RIN2: variants seen among roughly 807,000 people sequenced by gnomAD.
RIN2 encodes the protein Ras and Rab interactor 2.
A neutral mutation model predicts 78.0 loss-of-function variants in RIN2; 36 were observed. The ratio of observed to expected loss-of-function variants is 0.46; its 90% CI spans 0.35 to 0.61. The LOEUF (loss-of-function observed/expected upper bound fraction) is 0.61, where lower values mean the gene tolerates loss of function less well. Ranked by LOEUF, RIN2 falls within the 20% of genes least tolerant of loss-of-function variation. RIN2 has a pLI of 0.00. For missense variants in RIN2, 1,087 were observed against 1,159.7 expected (o/e 0.94, Z 0.91); for synonymous variants, 466 against 466.8 (o/e 1.00, Z 0.02).
At position 19,975,547 on chromosome 20, in the gene RIN2, A is replaced by C. The variant is rs2042253855; in HGVS notation, c.1522A>C (p.Met508Leu). ...GGTGAGCGGGGTGTTCAGCTCCTTC[A>C]TGACCCCGGAGAAGCGGATGGTCCG... is the stretch of plus-strand genomic sequence containing the variant. ...QKVSGVFSSF[M>L]TPEKRMVRRI... Residue 508 changes from methionine (M) to leucine (L), a missense_variant, in exon 9 of 13, where the codon ATG becomes CTG. Transcript: ENST00000255006. This position sits in a 1 kb window ranked among gnomAD's most constrained non-coding sequence, Gnocchi z 4.9. 6 of 1,613,930 alleles carry C rather than the reference A, an allele frequency of 3.7e-6. No individual in the cohort carries two copies. The highest frequency in any genetic ancestry group is 5.1e-6 in the Non-Finnish European group (6 of 1,179,906).
At chr20:19,790,282 A>T (rs903982205) in intron 1 of RIN2, among the ~76,000 whole-genome samples, 1 of 152,260 alleles carries the variant, frequency 6.6e-6, no homozygotes, top group African/African-American at 2.4e-5. Flanking sequence ...CCCCAGTCTT[A>T]CAAGGCTAGC....
At chr20:19,931,546 T>C (rs1205466338) in intron 3 of RIN2, among the ~76,000 whole-genome samples, 1 of 152,216 alleles carries the variant, frequency 6.6e-6, no homozygotes, top group African/African-American at 2.4e-5. Context: ...TGTTATGTCA[T>C]AGTTGTACAT....
intron 3 of RIN2, among the ~76,000 whole-genome samples, chr20:19,914,468 A>C (rs555417568): frequency 6.6e-6 from 1 of 152,330 alleles, no homozygotes; most frequent in Admixed American, 6.5e-5. Flanking sequence ...CATCAAAAAA[A>C]TTTGCATTAA....
At chr20:19,965,113 C>A in intron 7 of RIN2, 89 bp downstream of exon 7, 2 of 1,048,196 alleles carry the variant, frequency 1.9e-6, no homozygotes, top group Non-Finnish European at 2.9e-6. Context: ...ATCTAGGAGG[C>A]TGGCCACCTA....
intron 4 of RIN2, among the ~76,000 whole-genome samples, chr20:19,939,574 C>G (rs1221612770): frequency 6.6e-6 from 1 of 152,190 alleles, no homozygotes; most frequent in East Asian, 1.9e-4. Flanking sequence ...CTTCAAGACT[C>G]TATAAGATGT....
At chr20:19,990,358 C>G in intron 10 of RIN2, 47 bp downstream of exon 10, 1 of 1,547,774 alleles carries the variant, frequency 6.5e-7, no homozygotes, top group South Asian at 1.2e-5. Flanking sequence ...CCTTCCGGGC[C>G]GGGGACAGGC....
At position 19,837,169 on chromosome 20, in the gene RIN2, AACACACACACACACACAC is replaced by A. The variant is rs142399537; in HGVS notation, c.-37+37448_-37+37465del. Among the ~76,000 whole-genome samples, 385 of 140,210 alleles carry A rather than the reference AACACACACACACACACAC, an allele frequency of 2.7e-3. 2 individuals are homozygous for A. Among genetic ancestry groups the A allele is most frequent in the African/African-American group, 9.6e-3 (358 of 37,194 alleles). The allele number at this position is 140,210 out of a possible 152,430, so 92.0% of individuals were successfully genotyped here. A position where few individuals can be genotyped will look rare whatever the true frequency, so the allele number is the denominator to read the frequency against. On this transcript the variant is annotated intron_variant, in intron 2 of 12. Transcript: ENST00000255006. Reference sequence around the variant, plus strand: ...CTGAACATCACACACCGCCCCCCCCAACACACACACACACACACACACACACACACACACACACACACA... The same window carrying A: ...CTGAACATCACACACCGCCCCCCCCAACACACACACACACACACACACACA...
chr20:19,878,458 T>G (rs867206110), intron 2 of RIN2, among the ~76,000 whole-genome samples: 6 of 152,268 alleles, frequency 3.9e-5, no homozygotes, highest in Middle Eastern at 3.4e-3. Flanking sequence ...TCACCCCATG[T>G]CCCCATGTTC....
chr20:19,965,043 A>G lies in RIN2; in HGVS notation c.536+19A>G. 1.2e-6 allele frequency: 2 copies of G among 1,600,874 alleles called. No individual in the cohort carries two copies. Among genetic ancestry groups the G allele is most frequent in the Non-Finnish European group, 1.7e-6 (2 of 1,169,830 alleles). On this transcript the variant is annotated intron_variant, in intron 7 of 12. Transcript: ENST00000255006. The stretch of plus-strand genomic sequence containing the variant: ...TCAGCAGGTAAGGCCTCTTCCTCTC[A>G]TATGGTTTCAAGGCCCTGTTTGGTG...
At chr20:19,855,228 A>C (rs1181204751) in intron 2 of RIN2, among the ~76,000 whole-genome samples, 1 of 152,042 alleles carries the variant, frequency 6.6e-6, no homozygotes, top group Non-Finnish European at 1.5e-5. Flanking sequence ...CCAGGGATGA[A>C]GCCCACTTGA....
In RIN2 at chr20:19,904,804, C is replaced by T. The variant is rs145927432; in HGVS notation, c.57+15146C>T. Among the ~76,000 whole-genome samples the T allele has an allele frequency of 1.6e-3, 238 of 152,330 alleles. 1 individual carries two copies. Among genetic ancestry groups the T allele is most frequent in the Middle Eastern group, 6.8e-3 (2 of 294 alleles). On this transcript the variant is annotated intron_variant, in intron 3 of 12. Coordinates refer to ENST00000255006, the MANE Select transcript of RIN2 (RefSeq NM_018993.4). ...TCACCCGGCATTAGCACTGTGTCTC[C>T]ATCCATCAACCAAGAAAACCAAAGT...
At chr20:19,933,887 C>G (rs2040529957) in intron 3 of RIN2, among the ~76,000 whole-genome samples, 1 of 152,170 alleles carries the variant, frequency 6.6e-6, no homozygotes, top group Non-Finnish European at 1.5e-5. Context: ...TGGCTCACTG[C>G]AACCTCCATC....
chr20:19,975,374 T>G lies in RIN2; in HGVS notation c.1349T>G (p.Leu450Arg). Residue 450 changes from leucine to arginine, a missense_variant, in exon 9 of 13, where the codon CTG becomes CGG. Around this residue, in one of 8 missense-constraint regions of RIN2, gnomAD observed 706 missense variants for 667.5 expected, o/e 1.06. Coordinates refer to ENST00000255006, the MANE Select transcript of RIN2 (RefSeq NM_018993.4). This position sits in a 1 kb window ranked among gnomAD's most constrained non-coding sequence, Gnocchi z 4.9. ...CTGGAGTTCGACCGGAGCATGCCTC[T>G]GTTTGGCTACGAGGCGGACACCAAC... ...DSLEFDRSMPLFGYEADTNSS... is the reference protein window; with the variant it reads ...DSLEFDRSMPRFGYEADTNSS... The G allele has an allele frequency of 1.9e-6, 3 of 1,613,972 alleles. No homozygotes were observed. The highest frequency in any genetic ancestry group is 2.5e-6 in the Non-Finnish European group (3 of 1,179,858).
At chr20:19,937,942 T>C (rs1396430786) in intron 4 of RIN2, among the ~76,000 whole-genome samples, 2 of 152,226 alleles carry the variant, frequency 1.3e-5, no homozygotes, top group Non-Finnish European at 2.9e-5. Flanking sequence ...AGAATGAGGC[T>C]ATGGAAAGTG....
At position 19,885,208 on chromosome 20, in the gene RIN2, GTAAA is replaced by G. The variant is rs200363085; in HGVS notation, c.-36-4353_-36-4350del. Among the ~76,000 whole-genome samples, 1,308 of 152,212 alleles carry G rather than the reference GTAAA, an allele frequency of 8.6e-3. 12 individuals carry two copies. Among genetic ancestry groups the G allele is most frequent in the African/African-American group, 0.023 (945 of 41,514 alleles). ...TGTGGGTTTGCACTTGTGACCTAAA[GTAAA>G]TAAAATAGCATAAAATAGGAAGCTG... On this transcript the variant is annotated intron_variant, in intron 2 of 12. Transcript: ENST00000255006.
rs10605325 is a variant in RIN2, at chr20:19,764,918, G to GTTTTTTTTTTTTTTT, written c.-163+6602_-163+6616dup. On this transcript the variant is annotated intron_variant, in intron 1 of 12. Transcript: ENST00000255006. ...GGGCAAGTCCCACTTCACTTTCTGC[G>GTTTTTTTTTTTTTTT]TTTTTTTTTTTTTTTTTTTTTTTTT... 5.8e-3 allele frequency among the ~76,000 whole-genome samples: 292 copies of GTTTTTTTTTTTTTTT among 50,384 alleles called. 92 individuals carry two copies. Among genetic ancestry groups the GTTTTTTTTTTTTTTT allele is most frequent in the East Asian group, 0.016 (18 of 1,146 alleles). The allele number at this position is 50,384 out of a possible 152,430, so 33.1% of individuals were successfully genotyped here. A position where few individuals can be genotyped will look rare whatever the true frequency, so the allele number is the denominator to read the frequency against.
chr20:20,000,919 G>A lies in RIN2; in HGVS notation c.2671G>A (p.Asp891Asn). Residue 891 changes from aspartate to asparagine, a missense_variant, in exon 13 of 13, where the codon GAC (aspartate) becomes AAC (asparagine). Coordinates refer to ENST00000255006, the MANE Select transcript of RIN2 (RefSeq NM_018993.4). ...YGIIFQNGEE[D>N]LTTS ...CATCATTTTCCAGAACGGGGAAGAA[G>A]ACCTCACCACCTCCTAGAAGACAGG... is the stretch of plus-strand genomic sequence containing the variant. 1 of 1,611,384 alleles carries A rather than the reference G, an allele frequency of 6.2e-7. No individual in the cohort carries two copies. Among genetic ancestry groups the A allele is most frequent in the African/African-American group, 1.3e-5 (1 of 75,010 alleles).
chr20:19,998,386 C>T (rs970479869), intron 12 of RIN2, among the ~76,000 whole-genome samples: 5 of 151,992 alleles, frequency 3.3e-5, no homozygotes, highest in African/African-American at 9.7e-5. Context: ...CGCTTGAGGC[C>T]AGGAGTTGGA....
At chr20:19,824,020 G>A (rs1307605182) in intron 2 of RIN2, 8 of 871,168 alleles carry the variant, frequency 9.2e-6, no homozygotes, top group East Asian at 5.3e-5. Context: ...CCTCCGAGCC[G>A]AAAGCCGAGA....
Sources: gnomAD v4.1 joint callset for allele counts (sites outside exome capture counted in the v4.1 genomes callset) on GRCh38, gnomAD v4.1.1 for gene constraint, gnomAD v4.1.1 regional missense constraint, Gnocchi (gnomAD v3.1) non-coding constraint, MANE v1.5 for transcripts, NCBI Gene and HGNC (gene_info 2026-07-23, HGNC 2026-07-21) for gene names.